The following ZC3H3 variants were observed in gnomAD, a reference collection of about 807,000 sequenced individuals.
The protein encoded by ZC3H3 is zinc finger CCCH domain-containing protein 3.
Under a neutral mutation model 77.3 loss-of-function variants are expected in ZC3H3, and 36 were observed. The ratio of observed to expected loss-of-function variants is 0.47; its 90% CI spans 0.36 to 0.61. ZC3H3 has a LOEUF of 0.61. Among genes scored for constraint, ZC3H3 ranks in the 20% least tolerant of loss-of-function variants. ZC3H3 has a pLI of 0.00. For missense variants in ZC3H3, 1,331 were observed against 1,312.2 expected (o/e 1.01, Z -0.22); for synonymous variants, 626 against 555.2 (o/e 1.13, Z -1.79).
intron 4 of ZC3H3, among the ~76,000 whole-genome samples, chr8:143,484,315 G>A (rs1374897600): frequency 1.3e-5 from 2 of 152,210 alleles, no homozygotes; most frequent in African/African-American, 4.8e-5. Context: ...CAGCCTGGCT[G>A]GGTGGCAGGG....
At chr8:143,450,382 T>C (rs1025002186) in intron 9 of ZC3H3, among the ~76,000 whole-genome samples, 4 of 152,216 alleles carry the variant, frequency 2.6e-5, no homozygotes, top group African/African-American at 9.6e-5. Context: ...GGTTTGGCCA[T>C]GTTGGCCAGG....
At chr8:143,468,731 T>C (rs1820483224) in intron 5 of ZC3H3, 72 bp from the exon 6 acceptor site, 2 of 1,499,190 alleles carry the variant, frequency 1.3e-6, no homozygotes, top group Non-Finnish European at 1.8e-6. Flanking sequence ...GCTGACCCCC[T>C]TAGTCGAGGC....
At position 143,539,220 on chromosome 8, in the gene ZC3H3, G is replaced by C; in HGVS notation, c.147C>G (p.Ala49=). The change falls in exon 2 of 12, where the codon GCC becomes GCG. Residue 49 remains alanine (A), a synonymous_variant. Transcript: ENST00000262577. ...WQPPTYHSGR[A]FSARYPRPSR... ...TTGGACGAGGGTAGCGGGCACTAAA[G>C]GCTCTGCCACTGTGGTAAGTGGGTG... The C allele has an allele frequency of 6.2e-7, 1 of 1,612,942 alleles. No homozygotes were observed. The highest frequency in any genetic ancestry group is 8.5e-7 in the Non-Finnish European group (1 of 1,180,040).
rs1820292342 is a variant in ZC3H3, at chr8:143,462,509, G to C, written c.2307+3208C>G. Among the ~76,000 whole-genome samples, 1 of 152,250 alleles carries C rather than the reference G, an allele frequency of 6.6e-6. No individual in the cohort carries two copies. ...TGTGAACAAAACCAAGACAGGCGCT[G>C]TCCAGAGGACACAGGAGCCCTTGCA... On this transcript the variant is annotated intron_variant, in intron 9 of 11. Transcript: ENST00000262577. This position sits in a 1 kb window ranked among gnomAD's most constrained non-coding sequence, Gnocchi z 4.7.
At chr8:143,452,312 G>A (rs989790409) in intron 9 of ZC3H3, among the ~76,000 whole-genome samples, 1 of 151,054 alleles carries the variant, frequency 6.6e-6, no homozygotes, top group Admixed American at 6.6e-5. Context: ...AGGGAGGGAA[G>A]GTTCAGGGAA....
intron 4 of ZC3H3, among the ~76,000 whole-genome samples, chr8:143,488,876 T>C (rs536051213): frequency 4.6e-4 from 70 of 152,356 alleles, no homozygotes; most frequent in South Asian, 6.2e-4. Flanking sequence ...GACAAGCGAA[T>C]AGGGAACACA....
intron 4 of ZC3H3, among the ~76,000 whole-genome samples, chr8:143,477,255 G>A (rs1820762084): frequency 6.6e-6 from 1 of 152,206 alleles, no homozygotes; most frequent in Middle Eastern, 3.2e-3. Context: ...ACGGCGGCTG[G>A]AGCACTTAAC....
In ZC3H3 at chr8:143,536,317, C is replaced by T. The variant is rs1329693537; in HGVS notation, c.1501G>A (p.Val501Ile). Residue 501 changes from valine (V) to isoleucine (I), a missense_variant, in exon 3 of 12, where the codon GTC (valine) becomes ATC (isoleucine). Val to Ile is a conservative substitution (Grantham distance 29). Transcript: ENST00000262577. ...KKTPNKGLVQVTTHRLCRLPP... is the reference protein window; with the variant it reads ...KKTPNKGLVQITTHRLCRLPP... ...AGGCGACATAGTCGGTGCGTGGTGA[C>T]CTGTACCAGGCCCTTGTTGGGGGTC... 3.7e-6 allele frequency: 6 copies of T among 1,612,118 alleles called. 1 individual carries two copies. The South Asian group carries it at 6.6e-5, about 18-fold the overall frequency.
intron 4 of ZC3H3, among the ~76,000 whole-genome samples, chr8:143,506,629 C>T (rs1378083194): frequency 6.6e-6 from 1 of 152,130 alleles, no homozygotes; most frequent in Non-Finnish European, 1.5e-5. Flanking sequence ...AAAAATATTA[C>T]AAAAAGTGCA....
At chr8:143,470,687 G>T (rs567561255) in intron 5 of ZC3H3, among the ~76,000 whole-genome samples, 125 of 152,364 alleles carry the variant, frequency 8.2e-4, no homozygotes, top group Non-Finnish European at 1.5e-3. Flanking sequence ...AGCAGGAGGG[G>T]TTACCTCCCT....
chr8:143,459,840 A>C (rs1306617048), intron 9 of ZC3H3, among the ~76,000 whole-genome samples: 2 of 152,200 alleles, frequency 1.3e-5, no homozygotes, highest in Non-Finnish European at 2.9e-5. Flanking sequence ...CTATACATAA[A>C]AGCCCATAGC....
At chr8:143,454,743 C>T (rs1015914822) in intron 9 of ZC3H3, among the ~76,000 whole-genome samples, 4 of 152,136 alleles carry the variant, frequency 2.6e-5, no homozygotes, top group African/African-American at 9.7e-5. Context: ...GCATGCTATT[C>T]TGAGCAGTGT....
chr8:143,505,252 A>T (rs1295603169), intron 4 of ZC3H3, among the ~76,000 whole-genome samples: 1 of 152,154 alleles, frequency 6.6e-6, no homozygotes, highest in Non-Finnish European at 1.5e-5. Context: ...CTTCCTCTCC[A>T]TGGCAGCCCT....
intron 1 of ZC3H3, among the ~76,000 whole-genome samples, chr8:143,540,782 C>T (rs895655373): frequency 1.3e-5 from 2 of 152,052 alleles, no homozygotes; most frequent in African/African-American, 4.8e-5. Flanking sequence ...ATGGTGAAAC[C>T]CCGTCTCTAC....
At chr8:143,454,581 G>A (rs1434082254) in intron 9 of ZC3H3, among the ~76,000 whole-genome samples, 3 of 151,310 alleles carry the variant, frequency 2.0e-5, no homozygotes, top group African/African-American at 7.3e-5. Flanking sequence ...AATTTTTTTT[G>A]TGTGTGTTTT....
chr8:143,523,223 G>A (rs1239677798), intron 3 of ZC3H3: 2 of 774,758 alleles, frequency 2.6e-6, no homozygotes, highest in African/African-American at 1.9e-5. Context: ...TGGACCACCT[G>A]GCCCCCACAC....
chr8:143,536,197 C>T (rs2052518100), intron 3 of ZC3H3, 60 bp downstream of exon 3: 4 of 1,544,282 alleles, frequency 2.6e-6, no homozygotes, highest in Non-Finnish European at 3.5e-6. Context: ...TCCTAACACG[C>T]CAGCATATCC....
chr8:143,485,458 G>A (rs1821027488), intron 4 of ZC3H3, among the ~76,000 whole-genome samples: 1 of 152,208 alleles, frequency 6.6e-6, no homozygotes, highest in African/African-American at 2.4e-5. Context: ...CTGCACCTGA[G>A]TGGGTCAGGA....
rs766247285 is a variant in ZC3H3 at position 143,541,438 on chromosome 8, G to A, written c.-17C>T. The A allele has an allele frequency of 3.7e-6, 6 of 1,611,322 alleles. No individual in the cohort carries two copies. The highest frequency in any genetic ancestry group is 2.2e-5 in the East Asian group (1 of 44,672). ...TTCCTCCATCTCCCGAGTCCGCGAC[G>A]GCCGGCCAGGCCCCCACGACGTCAT... is the stretch of plus-strand genomic sequence containing the variant. On this transcript the variant is annotated 5_prime_UTR_variant, in exon 1 of 12. Coordinates refer to ENST00000262577, the MANE Select transcript of ZC3H3 (RefSeq NM_015117.3).
Sources: allele counts gnomAD v4.1 joint callset (sites outside exome capture counted in the v4.1 genomes callset), GRCh38; gene constraint gnomAD v4.1.1; non-coding constraint Gnocchi (gnomAD v3.1); transcripts MANE v1.5; gene names NCBI Gene and HGNC (gene_info 2026-07-23, HGNC 2026-07-21).